The following CHODL variants were observed in gnomAD, a reference collection of about 807,000 sequenced individuals.
CHODL encodes the protein chondrolectin, also known as transmembrane protein MT75.
In CHODL, 29 loss-of-function variants were observed where a neutral mutation model predicts 34.5. The ratio of observed to expected loss-of-function variants is 0.84; its 90% CI spans 0.63 to 1.15. The LOEUF is 1.15. Among genes scored for constraint, CHODL ranks in the 50% most tolerant of loss-of-function variants. CHODL has a pLI of 0.00. For missense variants in CHODL, 332 were observed against 332.5 expected (o/e 1.00, Z 0.01); for synonymous variants, 125 against 116.1 (o/e 1.08, Z -0.49).
In CHODL at chr21:18,249,074, A is replaced by G. The variant is rs933744206; in HGVS notation, c.79+3772A>G. Among the ~76,000 whole-genome samples, 11 of 123,650 alleles carry G rather than the reference A, an allele frequency of 8.9e-5. 1 individual carries two copies. The highest frequency in any genetic ancestry group is 1.3e-4 in the African/African-American group (4 of 30,196). The allele number at this position is 123,650 out of a possible 152,430, so 81.1% of individuals were successfully genotyped here. A position where few individuals can be genotyped will look rare whatever the true frequency, so the allele number is the denominator to read the frequency against. On this transcript the variant is annotated intron_variant, in intron 1 of 5. Coordinates refer to ENST00000299295, the MANE Select transcript of CHODL (RefSeq NM_024944.3). Reference sequence around the variant, plus strand: ...ATATTATATATAATTTACTATATATAATATATATATAATAAAATATATATA... The same window carrying G: ...ATATTATATATAATTTACTATATATGATATATATATAATAAAATATATATA...
chr21:18,110,560 G>C (rs547964442), intron 2 of CHODL, among the ~76,000 whole-genome samples: 1 of 119,374 alleles, frequency 8.4e-6, no homozygotes, highest in South Asian at 2.9e-4. Flanking sequence ...AACACCTACA[G>C]CTGATACCTG....
chr21:18,038,146 T>TAG (rs138494898), intron 2 of CHODL, among the ~76,000 whole-genome samples: 2,605 of 151,788 alleles, frequency 0.017, 157 homozygotes, highest in East Asian at 0.15. Flanking sequence ...AGCCTCAGAC[T>TAG]TCTCTTTAGT....
chr21:18,048,367 T>C (rs1007669150), intron 2 of CHODL, among the ~76,000 whole-genome samples: 56 of 152,032 alleles, frequency 3.7e-4, no homozygotes, highest in African/African-American at 1.2e-3. Flanking sequence ...TGAAATGAGA[T>C]AATTCCTGAC....
At chr21:17,967,881 C>G (rs1209625170) in intron 1 of CHODL, among the ~76,000 whole-genome samples, 1 of 152,178 alleles carries the variant, frequency 6.6e-6, no homozygotes, top group Admixed American at 6.5e-5. Flanking sequence ...AGAATCATGT[C>G]AGGACCAATG....
chr21:18,062,738 CCTGGG>C (rs1287107838), intron 2 of CHODL, among the ~76,000 whole-genome samples: 1 of 152,052 alleles, frequency 6.6e-6, no homozygotes, highest in Admixed American at 6.6e-5. Flanking sequence ...TTCTCTCCAG[CCTGGG>C]AAACAGAGCA....
intron 1 of CHODL, among the ~76,000 whole-genome samples, chr21:17,974,134 T>C (rs541640293): frequency 6.6e-6 from 1 of 152,336 alleles, no homozygotes; most frequent in East Asian, 1.9e-4. Flanking sequence ...ATGAAGTCTT[T>C]GGAAACTAAG....
At chr21:18,164,677 G>A (rs116767949) in intron 2 of CHODL, among the ~76,000 whole-genome samples, 1 of 55,680 alleles carries the variant, frequency 1.8e-5, no homozygotes. Flanking sequence ...CATTAGCCCT[G>A]GTCATTTCCT....
chr21:18,236,385 C>T (rs1177270069), intron 2 of CHODL, among the ~76,000 whole-genome samples: 2 of 152,062 alleles, frequency 1.3e-5, no homozygotes, highest in Non-Finnish European at 2.9e-5. Flanking sequence ...TCGGTGGGGA[C>T]ACAGCCAAAC....
At chr21:18,197,100 A>G (rs146526921) in intron 2 of CHODL, among the ~76,000 whole-genome samples, 110 of 152,280 alleles carry the variant, frequency 7.2e-4, no homozygotes, top group African/African-American at 2.4e-3. Flanking sequence ...ATTACATTTG[A>G]CCCATGAATT....
At chr21:17,931,782 T>C (rs1165189302) in intron 1 of CHODL, among the ~76,000 whole-genome samples, 4 of 152,066 alleles carry the variant, frequency 2.6e-5, no homozygotes, top group African/African-American at 9.7e-5. Context: ...CCTCTATCTC[T>C]CACCATATAC....
intron 2 of CHODL, among the ~76,000 whole-genome samples, chr21:18,145,609 G>A (rs546208646): frequency 7.2e-5 from 11 of 152,014 alleles, no homozygotes; most frequent in Admixed American, 5.2e-4. Flanking sequence ...TGTTTCATTC[G>A]GGGTCAATGT....
intron 1 of CHODL, among the ~76,000 whole-genome samples, chr21:18,007,209 AG>A (rs2063969206): frequency 6.6e-6 from 1 of 152,222 alleles, no homozygotes; most frequent in Non-Finnish European, 1.5e-5. Context: ...CAACCTGGTC[AG>A]GCACTGCAAA....
At chr21:17,937,057 G>A (rs1408453262) in intron 1 of CHODL, among the ~76,000 whole-genome samples, 6 of 147,142 alleles carry the variant, frequency 4.1e-5, no homozygotes, top group African/African-American at 1.0e-4. Context: ...ACTCCAGCCT[G>A]GGTGACAGGG....
Position 18,267,064 on chromosome 21 carries a change from C to CAAAG in CHODL, c.*1028_*1031dup, listed in dbSNP as rs2074472284. 3 of 152,154 alleles carry CAAAG rather than the reference C, an allele frequency of 2.0e-5. No homozygotes were observed. Among genetic ancestry groups the CAAAG allele is most frequent in the Admixed American group, 2.0e-4 (3 of 15,286 alleles). 9.4% of individuals were successfully genotyped at this position (152,154 alleles called of 1,614,324 possible). ...TTTAGCCTCTGACTATATTAGTATACAAAGAGGTCATGTGGTTGAGACCAG... is the reference window on the plus strand; with the variant it reads ...TTTAGCCTCTGACTATATTAGTATACAAAGAAAGAGGTCATGTGGTTGAGACCAG... On this transcript the variant is annotated 3_prime_UTR_variant, in exon 6 of 6. Transcript: ENST00000299295.
chr21:18,015,618 C>T (rs1304563113), intron 1 of CHODL, among the ~76,000 whole-genome samples: 5 of 151,982 alleles, frequency 3.3e-5, no homozygotes, highest in Non-Finnish European at 5.9e-5. Context: ...CAGAAGAAGA[C>T]AGGAAAATGA....
chr21:18,249,100 T>C (rs911395004), intron 1 of CHODL, among the ~76,000 whole-genome samples: 2 of 125,702 alleles, frequency 1.6e-5, no homozygotes, highest in African/African-American at 6.5e-5. Context: ...AATATATATA[T>C]ATAATAATAT....
intron 1 of CHODL, among the ~76,000 whole-genome samples, chr21:17,977,918 CAAAA>C (rs57837589): frequency 1.4e-5 from 1 of 69,018 alleles, no homozygotes; most frequent in Non-Finnish European, 2.5e-5. Flanking sequence ...ACTCCCATCT[CAAAA>C]AAAAAAAAAA....
At chr21:18,204,216 A>C (rs73202976) in intron 2 of CHODL, among the ~76,000 whole-genome samples, 6,757 of 152,234 alleles carry the variant, frequency 0.044, 184 homozygotes, top group Non-Finnish European at 0.06. Context: ...ACTTTGAGCA[A>C]GGCATAATTA....
At chr21:18,254,385 T>TGG (rs2074291736) in intron 1 of CHODL, among the ~76,000 whole-genome samples, 2 of 152,088 alleles carry the variant, frequency 1.3e-5, no homozygotes, top group South Asian at 4.1e-4. Flanking sequence ...GGTCCAAATC[T>TGG]AAGCTAAAAT....
Sources: gnomAD v4.1 joint callset for allele counts (sites outside exome capture counted in the v4.1 genomes callset) on GRCh38, gnomAD v4.1.1 for gene constraint, MANE v1.5 for transcripts, NCBI Gene and HGNC (gene_info 2026-07-23, HGNC 2026-07-21) for gene names.